Variants in PEX14 observed in about 807,000 individuals in gnomAD.
The protein encoded by PEX14 is peroxisomal biogenesis factor 14.
PEX14 carries 15 observed loss-of-function variants against 49.5 expected under a neutral mutation model. That is an observed-to-expected ratio of 0.30 (90% CI 0.20 to 0.47). The LOEUF is 0.47. Ranked by LOEUF, PEX14 falls within the 20% of genes least tolerant of loss-of-function variation. The pLI, the probability that PEX14 is intolerant of heterozygous loss-of-function variation, is 1.00. For synonymous variants in PEX14, 210 were observed against 212.7 expected, an observed-to-expected ratio of 0.99 and a Z score of 0.11; for missense variants, 398 against 494.8, an observed-to-expected ratio of 0.80 and a Z score of 1.86.
intron 2 of PEX14, among the ~76,000 whole-genome samples, chr1:10,509,544 A>G (rs1641847660): frequency 6.6e-6 from 1 of 151,988 alleles, no homozygotes; most frequent in Admixed American, 6.6e-5. Context: ...CCCACTCCCC[A>G]GCCCTGGTTC....
chr1:10,566,671 G>GTTTGT (rs754576190), intron 3 of PEX14, among the ~76,000 whole-genome samples: 17 of 151,688 alleles, frequency 1.1e-4, no homozygotes, highest in South Asian at 4.2e-4. Context: ...TTGTTTGTTT[G>GTTTGT]TTTGTTTTGT....
At chr1:10,527,963 G>T (rs1638539839) in intron 2 of PEX14, among the ~76,000 whole-genome samples, 1 of 152,202 alleles carries the variant, frequency 6.6e-6, no homozygotes, top group Non-Finnish European at 1.5e-5. Context: ...GAGCCACTGT[G>T]CTTGGCCTAG....
chr1:10,492,635 G>A (rs1213075053), intron 1 of PEX14, among the ~76,000 whole-genome samples: 1 of 152,218 alleles, frequency 6.6e-6, no homozygotes, highest in Non-Finnish European at 1.5e-5. Flanking sequence ...AAATGGAGTA[G>A]AGGAAACCCT....
intron 1 of PEX14, among the ~76,000 whole-genome samples, chr1:10,489,178 T>G (rs553850524): frequency 1.3e-5 from 2 of 151,948 alleles, no homozygotes; most frequent in Admixed American, 1.3e-4. Context: ...ACGGGGTTTC[T>G]CCATGTTGGT....
intron 2 of PEX14, among the ~76,000 whole-genome samples, chr1:10,533,033 T>TC (rs1022171459): frequency 1.3e-5 from 2 of 152,028 alleles, no homozygotes; most frequent in East Asian, 3.9e-4. Context: ...GACAGGTCCT[T>TC]CCCCCCATTT....
At chr1:10,524,827 G>T (rs1005139779) in intron 2 of PEX14, among the ~76,000 whole-genome samples, 1 of 152,118 alleles carries the variant, frequency 6.6e-6, no homozygotes, top group African/African-American at 2.4e-5. Flanking sequence ...CAAGTAGCTG[G>T]AGCGCCACTA....
At chr1:10,604,446 C>T (rs1641071610) in intron 4 of PEX14, among the ~76,000 whole-genome samples, 1 of 152,000 alleles carries the variant, frequency 6.6e-6, no homozygotes, top group African/African-American at 2.4e-5. Context: ...AGTGAGATGC[C>T]ATCTCTGTAA....
At chr1:10,501,918 A>AC (rs1298565703) in intron 2 of PEX14, among the ~76,000 whole-genome samples, 2 of 149,968 alleles carry the variant, frequency 1.3e-5, no homozygotes, top group Non-Finnish European at 3.0e-5. Flanking sequence ...CTCAAAACCC[A>AC]CCCCCCTGCC....
intron 2 of PEX14, among the ~76,000 whole-genome samples, chr1:10,527,515 CAAA>C (rs1032596691): frequency 5.6e-5 from 5 of 89,134 alleles, no homozygotes; most frequent in Admixed American, 1.1e-4. Flanking sequence ...GACTCTGTCT[CAAA>C]AAAAAAAAAA....
At chr1:10,506,689 G>C (rs1557816787) in intron 2 of PEX14, among the ~76,000 whole-genome samples, 1 of 152,272 alleles carries the variant, frequency 6.6e-6, no homozygotes, top group African/African-American at 2.4e-5. Context: ...GTGTGAGCGA[G>C]ATGACAGTTA....
rs79646794 is a variant in PEX14 at position 10,594,070 on chromosome 1, A to G, written c.170-5168A>G. Among the ~76,000 whole-genome samples the G allele has an allele frequency of 2.3e-3, 355 of 152,294 alleles. 7 individuals are homozygous for G. In the East Asian group the frequency reaches 0.036, roughly 15 times the overall value. On this transcript the variant is annotated intron_variant, in intron 3 of 8. Coordinates refer to ENST00000356607, the MANE Select transcript of PEX14 (RefSeq NM_004565.3). The stretch of plus-strand genomic sequence containing the variant: ...GTGTAATTTATGTTTAAAAAATTCA[A>G]TTTTATACAAGGCACTGGGAAATAG...
chr1:10,527,723 G>A (rs1327902161), intron 2 of PEX14, among the ~76,000 whole-genome samples: 1 of 151,720 alleles, frequency 6.6e-6, no homozygotes, highest in African/African-American at 2.4e-5. Context: ...ACCCAGGCTG[G>A]AGTGCAGTGG....
At chr1:10,595,458 G>C (rs900991313) in intron 3 of PEX14, among the ~76,000 whole-genome samples, 8 of 152,186 alleles carry the variant, frequency 5.3e-5, no homozygotes, top group Non-Finnish European at 1.2e-4. Context: ...AGACTGGGTG[G>C]CTGGGGGTTG....
rs1641890750 is a variant in PEX14, at chr1:10,630,392, C to T, written c.*405C>T. 1 of 223,862 alleles carries T rather than the reference C, an allele frequency of 4.5e-6. No individual in the cohort carries two copies. Among genetic ancestry groups the T allele is most frequent in the African/African-American group, 2.3e-5 (1 of 43,688 alleles). The allele number at this position is 223,862 out of a possible 1,614,324, so 13.9% of individuals were successfully genotyped here. ...TAGCGTCCCTACTGCCTCCCGACTC[C>T]TCAGTGGAGGAGGAGCTGCGGTCCC... On this transcript the variant is annotated 3_prime_UTR_variant, in exon 9 of 9. Coordinates refer to ENST00000356607, the MANE Select transcript of PEX14 (RefSeq NM_004565.3). The surrounding 1 kb of genome is among the most constrained non-coding windows in gnomAD (Gnocchi z 4.1).
At chr1:10,627,452 C>A in intron 8 of PEX14, 89 bp downstream of exon 8, 2 of 918,754 alleles carry the variant, frequency 2.2e-6, no homozygotes, top group Non-Finnish European at 3.6e-6. Flanking sequence ...TGACGCCCAC[C>A]CCCACCCCCA....
At position 10,599,321 on chromosome 1, in the gene PEX14, C is replaced by T; in HGVS notation, c.253C>T (p.Gln85Ter). 6.2e-7 allele frequency: 1 copy of T among 1,614,178 alleles called. No individual in the cohort carries two copies. The highest frequency in any genetic ancestry group is 8.5e-7 in the Non-Finnish European group (1 of 1,180,012). ...DEPSSLGPAT[Q>*]VVPVQPPHLI... ...GCCTTCGTCCTTGGGCCCAGCCACA[C>T]AGGTGGTTCCTGTCCAGCCCCCTCA... is the stretch of plus-strand genomic sequence containing the variant. The change falls in exon 4 of 9, where the codon CAG becomes TAG. Residue 85 changes from glutamine to a stop codon, truncating the protein, a stop_gained. Coordinates refer to ENST00000356607, the MANE Select transcript of PEX14 (RefSeq NM_004565.3). LOFTEE classifies it high-confidence loss of function.
rs776350064 is a variant in PEX14, at chr1:10,629,766, G to A, written c.913G>A (p.Val305Ile). 1.8e-5 allele frequency: 29 copies of A among 1,584,300 alleles called. No homozygotes were observed. The highest frequency in any genetic ancestry group is 3.4e-5 in the South Asian group (3 of 88,106). The part of the protein sequence containing the change: ...PQEEGEGVVD[V>I]KGQVRMEVQG... ...GGAGGAAGGCGAGGGGGTGGTGGAC[G>A]TCAAGGGCCAGGTGCGGATGGAGGT... The change falls in exon 9 of 9, where the codon GTC becomes ATC. Residue 305 changes from valine to isoleucine, a missense_variant. This residue lies in a region of PEX14 where 140 missense variants were observed against 155.5 expected (regional missense o/e 0.90). Transcript: ENST00000356607. The surrounding 1 kb of genome is among the most constrained non-coding windows in gnomAD (Gnocchi z 8.5).
At chr1:10,563,622 T>C (rs897674750) in intron 3 of PEX14, among the ~76,000 whole-genome samples, 1 of 142,446 alleles carries the variant, frequency 7.0e-6, no homozygotes, top group Non-Finnish European at 1.5e-5. Context: ...CGAAACTCCG[T>C]CTCAAAAAAT....
rs56306413 is a variant in PEX14 at position 10,514,156 on chromosome 1, CTGTGTGTGTGTGTGTGTGTGTGTGTG to C, written c.84+18853_84+18878del. ...AAAATGTATAAAATAATCTATGCCT[CTGTGTGTGTGTGTGTGTGTGTGTGTG>C]TGTGTGTGTGTGTGTGTATGGTGTT... On this transcript the variant is annotated intron_variant, in intron 2 of 8. Transcript: ENST00000356607. The surrounding 1 kb of genome is among the most constrained non-coding windows in gnomAD (Gnocchi z 4.4). 2.1e-5 allele frequency among the ~76,000 whole-genome samples: 3 copies of C among 143,176 alleles called. No individual in the cohort carries two copies. The highest frequency in any genetic ancestry group is 4.6e-5 in the Non-Finnish European group (3 of 65,074). 93.9% of individuals were successfully genotyped at this position (143,176 alleles called of 152,430 possible).
Sources: allele counts gnomAD v4.1 joint callset (sites outside exome capture counted in the v4.1 genomes callset), GRCh38; gene constraint gnomAD v4.1.1; regional missense constraint gnomAD v4.1.1; non-coding constraint Gnocchi (gnomAD v3.1); transcripts MANE v1.5; gene names NCBI Gene and HGNC (gene_info 2026-07-23, HGNC 2026-07-21).